The following PRKD1 variants were observed in gnomAD, a reference collection of about 807,000 sequenced individuals.
PRKD1 encodes the protein serine/threonine-protein kinase D1.
In PRKD1, 63 loss-of-function variants were observed where a neutral mutation model predicts 95.9. The ratio of observed to expected loss-of-function variants is 0.66; its 90% confidence interval spans 0.54 to 0.81. The LOEUF (loss-of-function observed/expected upper bound fraction) is 0.81, where lower values mean the gene tolerates loss of function less well. Ranked by LOEUF, PRKD1 falls within the 30% of genes least tolerant of loss-of-function variation. PRKD1 has a pLI of 0.00. For synonymous variants in PRKD1, 425 were observed against 423.1 expected (o/e 1.00, Z -0.05); for missense variants, 1,048 against 1,165.3 (o/e 0.90, Z 1.47).
At chr14:29,862,790 C>G (rs1892756054) in intron 1 of PRKD1, among the ~76,000 whole-genome samples, 1 of 152,036 alleles carries the variant, frequency 6.6e-6, no homozygotes, top group Admixed American at 6.6e-5. Flanking sequence ...GGGTCATTTG[C>G]AAATATTTTC....
intron 1 of PRKD1, among the ~76,000 whole-genome samples, chr14:29,751,578 C>G (rs1240288679): frequency 1.3e-5 from 2 of 152,188 alleles, no homozygotes; most frequent in Non-Finnish European, 2.9e-5. Context: ...GAACCTCCTA[C>G]CTACAAACTC....
At chr14:29,626,049 C>A (rs367704171) in intron 12 of PRKD1, among the ~76,000 whole-genome samples, 95 of 151,958 alleles carry the variant, frequency 6.3e-4, no homozygotes, top group East Asian at 2.1e-3. Flanking sequence ...AAAATTCAAA[C>A]CTTCAGGAAA....
chr14:29,588,073 G>A (rs897078156), intron 16 of PRKD1, among the ~76,000 whole-genome samples: 9 of 152,110 alleles, frequency 5.9e-5, no homozygotes, highest in Non-Finnish European at 1.2e-4. Context: ...CAGCAGGCTC[G>A]CTGGATCTGC....
At chr14:29,832,378 G>C (rs767623242) in intron 1 of PRKD1, among the ~76,000 whole-genome samples, 3 of 152,102 alleles carry the variant, frequency 2.0e-5, no homozygotes, top group Non-Finnish European at 1.5e-5. Flanking sequence ...TATCATGCAT[G>C]CATTTCTCCA....
intron 1 of PRKD1, among the ~76,000 whole-genome samples, chr14:29,896,391 T>C (rs1894127520): frequency 6.9e-6 from 1 of 144,024 alleles, no homozygotes; most frequent in African/African-American, 2.6e-5. Context: ...CACACACCCA[T>C]CAAGACTATT....
At chr14:29,596,933 A>G (rs1893329067) in intron 16 of PRKD1, among the ~76,000 whole-genome samples, 1 of 152,176 alleles carries the variant, frequency 6.6e-6, no homozygotes, top group Non-Finnish European at 1.5e-5. Flanking sequence ...AATCTATTCT[A>G]AAGAAATCAT....
chr14:29,679,822 G>A (rs1883436279), intron 2 of PRKD1, among the ~76,000 whole-genome samples: 1 of 151,562 alleles, frequency 6.6e-6, no homozygotes, highest in Non-Finnish European at 1.5e-5. Flanking sequence ...CTGCCTCTCA[G>A]GTTCCAGCAA....
chr14:29,873,958 ACT>A (rs1388962531), intron 1 of PRKD1, among the ~76,000 whole-genome samples: 10 of 151,856 alleles, frequency 6.6e-5, no homozygotes, highest in South Asian at 2.1e-4. Context: ...AAAATGAAAA[ACT>A]CTTCATTCAC....
chr14:29,851,105 C>T (rs1367485113), intron 1 of PRKD1, among the ~76,000 whole-genome samples: 3 of 152,060 alleles, frequency 2.0e-5, no homozygotes, highest in Admixed American at 6.6e-5. Context: ...AAATATAAAA[C>T]CTCAAACTAC....
At chr14:29,720,142 C>T (rs1268750089) in intron 2 of PRKD1, among the ~76,000 whole-genome samples, 1 of 152,166 alleles carries the variant, frequency 6.6e-6, no homozygotes, top group East Asian at 1.9e-4. Flanking sequence ...TAATAGTTTA[C>T]ATTTATTGTG....
At chr14:29,776,348 A>T (rs1888753191) in intron 1 of PRKD1, among the ~76,000 whole-genome samples, 1 of 152,186 alleles carries the variant, frequency 6.6e-6, no homozygotes, top group Admixed American at 6.5e-5. Flanking sequence ...AACTTCTCCG[A>T]GCTAAAGGAG....
intron 1 of PRKD1, among the ~76,000 whole-genome samples, chr14:29,851,832 G>T (rs1892319899): frequency 1.3e-5 from 2 of 152,020 alleles, no homozygotes; most frequent in East Asian, 1.9e-4. Flanking sequence ...AATCAACGTA[G>T]GCACCCTTCA....
chr14:29,626,033 TA>T (rs1347755954), intron 12 of PRKD1, among the ~76,000 whole-genome samples: 2 of 151,300 alleles, frequency 1.3e-5, no homozygotes, highest in South Asian at 2.1e-4. Flanking sequence ...CCTCAAAAAT[TA>T]AAAAAAAATT....
intron 1 of PRKD1, among the ~76,000 whole-genome samples, chr14:29,815,804 C>T (rs898053610): frequency 4.6e-5 from 7 of 152,078 alleles, no homozygotes; most frequent in African/African-American, 7.2e-5. Context: ...GCATTTATGT[C>T]GACCAGTTTA....
At chr14:29,683,576 C>A (rs575697181) in intron 2 of PRKD1, among the ~76,000 whole-genome samples, 1 of 151,832 alleles carries the variant, frequency 6.6e-6, no homozygotes, top group South Asian at 2.1e-4. Context: ...TTCTGAGCCA[C>A]GTAAAGAGCC....
rs1890275529 is a variant in PRKD1 at position 29,807,287 on chromosome 14, G to A, written c.265-81613C>T. Among the ~76,000 whole-genome samples the A allele has an allele frequency of 2.0e-5, 3 of 152,098 alleles. No homozygotes were observed. The South Asian group carries it at 6.2e-4, about 32-fold the overall frequency. On this transcript the variant is annotated intron_variant, in intron 1 of 17. Coordinates refer to ENST00000331968, the MANE Select transcript of PRKD1 (RefSeq NM_002742.3). The stretch of plus-strand genomic sequence containing the variant: ...GGGATTCTTGATGTAAGCCTTCAGG[G>A]AGTCCTAATCTCTTTGCCAGTGGAG...
At chr14:29,772,820 T>C (rs1042594107) in intron 1 of PRKD1, among the ~76,000 whole-genome samples, 1 of 152,214 alleles carries the variant, frequency 6.6e-6, no homozygotes, top group African/African-American at 2.4e-5. Flanking sequence ...TTATCTCCTA[T>C]ATGTCTAACC....
chr14:29,850,266 T>A (rs563623552), intron 1 of PRKD1, among the ~76,000 whole-genome samples: 1 of 152,236 alleles, frequency 6.6e-6, no homozygotes, highest in South Asian at 2.1e-4. Flanking sequence ...TAAGTCAAAT[T>A]ATCTCTTTGC....
chr14:29,877,002 A>T (rs762898223), intron 1 of PRKD1, among the ~76,000 whole-genome samples: 4 of 152,112 alleles, frequency 2.6e-5, no homozygotes, highest in Admixed American at 2.6e-4. Context: ...AAATACAAAA[A>T]TTAGACAGGT....
Sources: allele counts gnomAD v4.1 joint callset (sites outside exome capture counted in the v4.1 genomes callset), GRCh38; gene constraint gnomAD v4.1.1; transcripts MANE v1.5; gene names NCBI Gene and HGNC (gene_info 2026-07-23, HGNC 2026-07-21).